The following RBFOX1 variants were observed in gnomAD, a reference collection of about 807,000 sequenced individuals.
RBFOX1 encodes the protein RNA binding fox-1 homolog 1.
Under a neutral mutation model 57.7 loss-of-function variants are expected in RBFOX1, and 8 were observed. The observed-to-expected ratio is 0.14, with a 90% CI of 0.08 to 0.25. RBFOX1 has a LOEUF of 0.25. Among genes scored for constraint, RBFOX1 ranks in the 10% least tolerant of loss-of-function variants. The pLI is 1.00. For missense variants in RBFOX1, 611 were observed against 548.5 expected, an observed-to-expected ratio of 1.11 and a Z score of -1.14; for synonymous variants, 326 against 222.4, an observed-to-expected ratio of 1.47 and a Z score of -4.15.
intron 4 of RBFOX1, among the ~76,000 whole-genome samples, chr16:5,977,861 C>A (rs906645177): frequency 6.6e-6 from 1 of 151,904 alleles, no homozygotes; most frequent in African/African-American, 2.4e-5. Context: ...CTTTTTGAGT[C>A]GAAATTTATG....
chr16:6,533,396 C>G (rs565851744), intron 2 of RBFOX1, among the ~76,000 whole-genome samples: 7 of 152,272 alleles, frequency 4.6e-5, no homozygotes, highest in Non-Finnish European at 8.8e-5. Flanking sequence ...AAACTCCCTG[C>G]TAAGGATGCT....
In RBFOX1 at chr16:5,395,603, A is replaced by T. The variant is rs73520486; in HGVS notation, c.220-71613A>T. Among the ~76,000 whole-genome samples, 281 of 152,224 alleles carry T rather than the reference A, an allele frequency of 1.8e-3. 2 individuals are homozygous for T. Among genetic ancestry groups the T allele is most frequent in the African/African-American group, 6.7e-3 (277 of 41,526 alleles). On this transcript the variant is annotated intron_variant, in intron 1 of 2. Coordinates refer to the RBFOX1 transcript ENST00000585867. ...TGGAGACGTTCAGGTGGTCCTTAGG[A>T]TCTCCACTTCCTGATGTCTGTGACT...
intron 3 of RBFOX1, among the ~76,000 whole-genome samples, chr16:6,725,798 T>C (rs1035527044): frequency 5.3e-5 from 8 of 152,226 alleles, no homozygotes; most frequent in Non-Finnish European, 1.0e-4. Context: ...AGCCATTTTC[T>C]GGCGCCGTGT....
chr16:7,018,015 C>T (rs1008015173), intron 3 of RBFOX1, among the ~76,000 whole-genome samples: 1 of 152,050 alleles, frequency 6.6e-6, no homozygotes, highest in Non-Finnish European at 1.5e-5. Flanking sequence ...TACAAAATAT[C>T]ATTTAGGAGG....
intron 3 of RBFOX1, among the ~76,000 whole-genome samples, chr16:7,029,379 G>A (rs1000850838): frequency 1.3e-5 from 2 of 150,788 alleles, no homozygotes; most frequent in African/African-American, 2.4e-5. Context: ...GAAAGCTGAT[G>A]CGTCACACAG....
chr16:5,387,777 A>G (rs1248722726), intron 1 of RBFOX1, among the ~76,000 whole-genome samples: 1 of 152,154 alleles, frequency 6.6e-6, no homozygotes, highest in African/African-American at 2.4e-5. Context: ...AAGGGGCATC[A>G]ATGTTGTGGG....
At chr16:7,424,183 A>AT (rs987300587) in intron 4 of RBFOX1, among the ~76,000 whole-genome samples, 11 of 151,706 alleles carry the variant, frequency 7.3e-5, no homozygotes, top group African/African-American at 1.7e-4. Flanking sequence ...GATTTTTGTC[A>AT]TTTTTTTTAA....
chr16:6,726,341 A>T (rs2067166522), intron 3 of RBFOX1, among the ~76,000 whole-genome samples: 2 of 152,158 alleles, frequency 1.3e-5, no homozygotes, highest in Non-Finnish European at 2.9e-5. Flanking sequence ...AAAGAGGCAA[A>T]AGCAAATTTT....
chr16:5,837,606 C>CTT (rs35808036), intron 3 of RBFOX1, among the ~76,000 whole-genome samples: 6 of 143,752 alleles, frequency 4.2e-5, no homozygotes, highest in African/African-American at 5.1e-5. Flanking sequence ...CCAGCCCCCT[C>CTT]TTTTTTTTTT....
chr16:6,503,225 G>A lies in RBFOX1; in HGVS notation c.-63-151378G>A, dbSNP rs370193489. On this transcript the variant is annotated intron_variant, in intron 2 of 15. Transcript: ENST00000550418. The stretch of plus-strand genomic sequence containing the variant: ...ATAACATTTTTTTAATAAAAATAAC[G>A]TTAAAATAAATCTTAAGCACAGCCC... 9.2e-5 allele frequency among the ~76,000 whole-genome samples: 14 copies of A among 151,880 alleles called. No individual in the cohort carries two copies. In the East Asian group the frequency reaches 1.7e-3, roughly 19 times the overall value.
intron 12 of RBFOX1, among the ~76,000 whole-genome samples, chr16:7,664,151 A>C (rs1432141695): frequency 2.0e-5 from 3 of 152,074 alleles, no homozygotes; most frequent in Admixed American, 2.0e-4. Flanking sequence ...AATACATATA[A>C]ATAAGTATAC....
intron 1 of RBFOX1, among the ~76,000 whole-genome samples, chr16:6,101,407 C>T (rs1048688737): frequency 1.3e-5 from 2 of 152,186 alleles, no homozygotes; most frequent in African/African-American, 2.4e-5. Context: ...TTTTTTCTCA[C>T]AAGGCAGCCT....
At chr16:6,872,007 C>G (rs192742342) in intron 3 of RBFOX1, among the ~76,000 whole-genome samples, 1 of 150,418 alleles carries the variant, frequency 6.6e-6, no homozygotes, top group East Asian at 2.0e-4. Flanking sequence ...TTTGTATACT[C>G]AATCCTATTG....
At chr16:6,800,525 C>CGCCCT (rs2085157478) in intron 3 of RBFOX1, among the ~76,000 whole-genome samples, 1 of 151,986 alleles carries the variant, frequency 6.6e-6, no homozygotes, top group Non-Finnish European at 1.5e-5. Flanking sequence ...ATTCAAAAGC[C>CGCCCT]GCCCTTCCGT....
intron 2 of RBFOX1, among the ~76,000 whole-genome samples, chr16:6,337,868 C>T (rs1433957599): frequency 1.3e-5 from 2 of 152,216 alleles, no homozygotes; most frequent in African/African-American, 4.8e-5. Context: ...TGTGAGAAAA[C>T]ACCCCCTTGG....
intron 1 of RBFOX1, among the ~76,000 whole-genome samples, chr16:6,296,813 A>G (rs2078170471): frequency 2.0e-5 from 3 of 152,152 alleles, no homozygotes; most frequent in Non-Finnish European, 2.9e-5. Flanking sequence ...TGCATGTGTT[A>G]CCACACCGAG....
chr16:6,040,180 T>G (rs1242172463), intron 1 of RBFOX1, among the ~76,000 whole-genome samples: 1 of 152,258 alleles, frequency 6.6e-6, no homozygotes, highest in Non-Finnish European at 1.5e-5. Context: ...ATTCTATATT[T>G]TTAATGTTTT....
chr16:5,668,130 A>C (rs998665911), intron 3 of RBFOX1, among the ~76,000 whole-genome samples: 1 of 152,154 alleles, frequency 6.6e-6, no homozygotes, highest in Non-Finnish European at 1.5e-5. Context: ...AAAATACAAA[A>C]ATTAGCTAGG....
chr16:5,981,204 C>CAA lies in RBFOX1; in HGVS notation c.351+113869_351+113870insAA, dbSNP rs1361576130. On this transcript the variant is annotated intron_variant, in intron 4 of 19. Transcript: ENST00000641259. The stretch of plus-strand genomic sequence containing the variant: ...TTAAATAATAGTACAGGCTCTGCGC[C>CAA]TTGGCAGCAGCAATGTGAAGGGTCA... 1.1e-3 allele frequency among the ~76,000 whole-genome samples: 164 copies of CAA among 152,302 alleles called. 1 individual carries two copies. Among genetic ancestry groups the CAA allele is most frequent in the Admixed American group, 8.8e-3 (135 of 15,304 alleles).
Sources: gnomAD v4.1 joint callset for allele counts (sites outside exome capture counted in the v4.1 genomes callset) on GRCh38, gnomAD v4.1.1 for gene constraint, MANE v1.5 for transcripts, NCBI Gene and HGNC (gene_info 2026-07-23, HGNC 2026-07-21) for gene names.